The following SYNDIG1 variants were observed in gnomAD, a reference collection of about 807,000 sequenced individuals.
The protein encoded by SYNDIG1 is synapse differentiation-inducing gene protein 1.
A neutral mutation model predicts 19.4 loss-of-function variants in SYNDIG1; 9 were observed. The observed-to-expected ratio is 0.46, with a 90% CI of 0.28 to 0.81. The LOEUF (loss-of-function observed/expected upper bound fraction) is 0.81. Ranked by LOEUF, SYNDIG1 falls within the 30% of genes least tolerant of loss-of-function variation. The pLI, the probability that SYNDIG1 is intolerant of heterozygous loss-of-function variation, is 0.12. For missense variants in SYNDIG1, 311 were observed against 343.3 expected (o/e 0.91, Z 0.74); for synonymous variants, 141 against 145.9 (o/e 0.97, Z 0.24).
chr20:24,637,334 A>T (rs905939843), intron 3 of SYNDIG1, among the ~76,000 whole-genome samples: 6 of 152,206 alleles, frequency 3.9e-5, no homozygotes, highest in Non-Finnish European at 2.9e-5. Flanking sequence ...CTTCAGAGCT[A>T]CATTTTCTTC....
chr20:24,476,876 T>C (rs960145843), intron 1 of SYNDIG1, among the ~76,000 whole-genome samples: 3 of 152,142 alleles, frequency 2.0e-5, no homozygotes, highest in Non-Finnish European at 2.9e-5. Flanking sequence ...GCTGCATCTC[T>C]GTCCTTCTGC....
intron 3 of SYNDIG1, among the ~76,000 whole-genome samples, chr20:24,613,489 C>T (rs949122584): frequency 6.6e-6 from 1 of 152,098 alleles, no homozygotes; most frequent in Non-Finnish European, 1.5e-5. Flanking sequence ...CAGGACTGGG[C>T]GAGGACTTGC....
chr20:24,596,259 T>C (rs1435542954), intron 3 of SYNDIG1, among the ~76,000 whole-genome samples: 2 of 152,246 alleles, frequency 1.3e-5, no homozygotes, highest in Non-Finnish European at 2.9e-5. Flanking sequence ...CATATAAGTG[T>C]ATGGTTTTAA....
intron 1 of SYNDIG1, among the ~76,000 whole-genome samples, chr20:24,505,718 A>G (rs1346851226): frequency 6.6e-6 from 1 of 152,186 alleles, no homozygotes; most frequent in Non-Finnish European, 1.5e-5. Flanking sequence ...CAAGTCCTGG[A>G]CATCAGGGCA....
chr20:24,543,847 G>A (rs568680711), intron 2 of SYNDIG1, among the ~76,000 whole-genome samples: 2 of 152,294 alleles, frequency 1.3e-5, no homozygotes, highest in South Asian at 2.1e-4. Context: ...GGCAGTGCTG[G>A]TGGGTTCATC....
chr20:24,621,118 A>T (rs2059031703), intron 3 of SYNDIG1, among the ~76,000 whole-genome samples: 2 of 152,262 alleles, frequency 1.3e-5, no homozygotes. Flanking sequence ...GTGTTAAAAA[A>T]TAAGCTAAGT....
At position 24,485,537 on chromosome 20, in the gene SYNDIG1, GCAGAAATCAGT is replaced by G. The variant is rs2055932609; in HGVS notation, c.-79+15785_-79+15795del. Among the ~76,000 whole-genome samples the G allele has an allele frequency of 3.3e-5, 5 of 152,288 alleles. 1 individual carries two copies. Among genetic ancestry groups the G allele is most frequent in the Admixed American group, 3.3e-4 (5 of 15,294 alleles). The stretch of plus-strand genomic sequence containing the variant: ...GATCTAGTGACTTCTCCAGACTTAT[GCAGAAATCAGT>G]GGCAAAGCTAATTTTGATATAATTT... On this transcript the variant is annotated intron_variant, in intron 1 of 3. Transcript: ENST00000376862.
chr20:24,617,850 G>C (rs1421478666), intron 3 of SYNDIG1, among the ~76,000 whole-genome samples: 1 of 148,256 alleles, frequency 6.7e-6, no homozygotes, highest in Non-Finnish European at 1.5e-5. Flanking sequence ...GGGTCCTGGG[G>C]GAGGGTATGG....
At chr20:24,620,359 C>T (rs143621632) in intron 3 of SYNDIG1, among the ~76,000 whole-genome samples, 59 of 152,282 alleles carry the variant, frequency 3.9e-4, no homozygotes, top group African/African-American at 1.4e-3. Context: ...GGTGACCTGA[C>T]AGCTAGGAGG....
At chr20:24,611,316 T>C (rs1017596203) in intron 3 of SYNDIG1, among the ~76,000 whole-genome samples, 2 of 152,148 alleles carry the variant, frequency 1.3e-5, no homozygotes, top group African/African-American at 2.4e-5. Flanking sequence ...GACCTTGTTT[T>C]CATACCTCCC....
chr20:24,504,244 C>T (rs2056530937), intron 1 of SYNDIG1, among the ~76,000 whole-genome samples: 1 of 152,222 alleles, frequency 6.6e-6, no homozygotes, highest in Non-Finnish European at 1.5e-5. Flanking sequence ...AGGTGTGAGC[C>T]ACCGCGCCCA....
chr20:24,546,051 A>T (rs1040899442), intron 2 of SYNDIG1, among the ~76,000 whole-genome samples: 4 of 152,190 alleles, frequency 2.6e-5, no homozygotes, highest in Non-Finnish European at 4.4e-5. Flanking sequence ...GAGACACATT[A>T]TGGCTGCTGC....
chr20:24,566,872 C>G (rs2058052886), intron 2 of SYNDIG1, among the ~76,000 whole-genome samples: 1 of 152,166 alleles, frequency 6.6e-6, no homozygotes. Flanking sequence ...GCTAGGGGCC[C>G]CACCCTGAGC....
chr20:24,642,220 C>T (rs550985249), intron 3 of SYNDIG1, among the ~76,000 whole-genome samples: 31 of 152,152 alleles, frequency 2.0e-4, no homozygotes, highest in Non-Finnish European at 3.2e-4. Flanking sequence ...GAGCACTGAT[C>T]GGGTACATCG....
intron 1 of SYNDIG1, among the ~76,000 whole-genome samples, chr20:24,522,136 A>G (rs118040660): frequency 0.021 from 3,214 of 152,140 alleles, 43 homozygotes; most frequent in Middle Eastern, 0.041. Flanking sequence ...GTGCAGTGGC[A>G]TGATCATAGC....
rs1477691120 is a variant in SYNDIG1 at position 24,469,932 on chromosome 20, C to A, written c.-79+179C>A. On this transcript the variant is annotated intron_variant, in intron 1 of 3. Transcript: ENST00000376862. ...CGGCGGCGTGGCGCCCGCGGTAAGT[C>A]CGGGTGGTCGCCGCGACGAGACTTG... 1.2e-4 allele frequency among the ~76,000 whole-genome samples: 18 copies of A among 152,090 alleles called. No homozygotes were observed. The East Asian group carries it at 3.5e-3, about 30-fold the overall frequency.
chr20:24,625,133 C>T (rs1452352020), intron 3 of SYNDIG1, among the ~76,000 whole-genome samples: 1 of 151,784 alleles, frequency 6.6e-6, no homozygotes, highest in Admixed American at 6.6e-5. Context: ...CCTTAGGGCA[C>T]TAGAGAAATA....
Position 24,658,547 on chromosome 20 carries a change from G to A in SYNDIG1, c.619-6799G>A, listed in dbSNP as rs577161079. Among the ~76,000 whole-genome samples the A allele has an allele frequency of 6.6e-6, 1 of 152,134 alleles. No individual in the cohort carries two copies. The highest frequency in any genetic ancestry group is 1.9e-4 in the East Asian group (1 of 5,162). ...TTCCCCCTCCCACGGTCACCCCTGT[G>A]TCCTTCATCTTGCAGCCGTTTCATT... On this transcript the variant is annotated intron_variant, in intron 3 of 3. Transcript: ENST00000376862. This position sits in a 1 kb window ranked among gnomAD's most constrained non-coding sequence, Gnocchi z 4.4.
intron 1 of SYNDIG1, among the ~76,000 whole-genome samples, chr20:24,501,430 G>A (rs1002791838): frequency 2.0e-5 from 3 of 152,178 alleles, no homozygotes; most frequent in African/African-American, 7.2e-5. Context: ...CCAGTTCACG[G>A]ATATCGTTGA....
Sources: allele counts gnomAD v4.1 joint callset (sites outside exome capture counted in the v4.1 genomes callset), GRCh38; gene constraint gnomAD v4.1.1; non-coding constraint Gnocchi (gnomAD v3.1); transcripts MANE v1.5; gene names NCBI Gene and HGNC (gene_info 2026-07-23, HGNC 2026-07-21).